Variants in ARHGAP10 observed in about 807,000 individuals in gnomAD.
The protein encoded by ARHGAP10 is Rho GTPase activating protein 10.
A neutral mutation model predicts 108.6 loss-of-function variants in ARHGAP10; 87 were observed. That is an observed-to-expected ratio of 0.80 (90% CI 0.67 to 0.96). The LOEUF (loss-of-function observed/expected upper bound fraction) is 0.96, where lower values mean the gene tolerates loss of function less well. ARHGAP10 is among the 40% of genes least tolerant of loss of function. The pLI, the probability that ARHGAP10 is intolerant of heterozygous loss-of-function variation, is 0.00. For missense variants in ARHGAP10, 939 were observed against 954.5 expected, an observed-to-expected ratio of 0.98 and a Z score of 0.21; for synonymous variants, 347 against 341.1, an observed-to-expected ratio of 1.02 and a Z score of -0.19.
chr4:147,791,256 C>T (rs1307008799), intron 1 of ARHGAP10, among the ~76,000 whole-genome samples: 5 of 151,562 alleles, frequency 3.3e-5, no homozygotes, highest in African/African-American at 7.3e-5. Flanking sequence ...GGATTACAAG[C>T]GCCTGCCACC....
Position 147,965,086 on chromosome 4 carries a change from A to G in ARHGAP10, c.1513A>G (p.Lys505Glu). Residue 505 changes from lysine (K) to glutamate (E), a missense_variant, in exon 17 of 23, where the codon AAG (lysine) becomes GAG (glutamate). Lys to Glu is a moderately conservative substitution (Grantham distance 56, BLOSUM62 1). Transcript: ENST00000336498. ...IHFLVHKLPE[K>E]NKEMLDILVK... ...TTTCTTGGTACACAAACTGCCAGAGAAGAATAAAGAGATGTTGGATATTTT... is the reference window on the plus strand; with the variant it reads ...TTTCTTGGTACACAAACTGCCAGAGGAGAATAAAGAGATGTTGGATATTTT... 6.2e-7 allele frequency: 1 copy of G among 1,607,760 alleles called. No individual in the cohort carries two copies. The highest frequency in any genetic ancestry group is 8.5e-7 in the Non-Finnish European group (1 of 1,176,812).
rs374371724 is a variant in ARHGAP10 at position 147,935,529 on chromosome 4, A to G, written c.1229-4296A>G. 2.7e-4 allele frequency among the ~76,000 whole-genome samples: 41 copies of G among 152,312 alleles called. No individual in the cohort carries two copies. In the South Asian group the frequency reaches 7.3e-3, roughly 27 times the overall value. On this transcript the variant is annotated intron_variant, in intron 13 of 22. Coordinates refer to ENST00000336498, the MANE Select transcript of ARHGAP10 (RefSeq NM_024605.4). ...GACAGGGAAGAAGTCAAAGATTTCAAATTTCTAATACTTGTTGATCAGAAA... is the reference window on the plus strand; with the variant it reads ...GACAGGGAAGAAGTCAAAGATTTCAGATTTCTAATACTTGTTGATCAGAAA...
At chr4:148,026,239 C>T (rs745825878) in intron 19 of ARHGAP10, among the ~76,000 whole-genome samples, 47 of 152,044 alleles carry the variant, frequency 3.1e-4, no homozygotes, top group Admixed American at 1.8e-3. Context: ...GGAACACACT[C>T]GGAATTGGTT....
At chr4:148,032,591 T>C (rs2149670852) in intron 19 of ARHGAP10, among the ~76,000 whole-genome samples, 1 of 152,178 alleles carries the variant, frequency 6.6e-6, no homozygotes, top group South Asian at 2.1e-4. Context: ...ATTAGGGTGC[T>C]CTAAAGAGAT....
chr4:147,812,194 A>AT (rs1233039569), intron 1 of ARHGAP10, among the ~76,000 whole-genome samples: 4 of 152,256 alleles, frequency 2.6e-5, no homozygotes, highest in East Asian at 1.9e-4. Context: ...GTAAAAAGCT[A>AT]TTTTTTAGCA....
At chr4:147,951,366 G>A (rs1430148734) in intron 15 of ARHGAP10, among the ~76,000 whole-genome samples, 1 of 147,964 alleles carries the variant, frequency 6.8e-6, no homozygotes, top group Non-Finnish European at 1.5e-5. Flanking sequence ...CTTCTGATTG[G>A]CCCTTCTTTC....
chr4:148,063,333 T>C lies in ARHGAP10; in HGVS notation c.2180+33T>C, dbSNP rs148557499. The C allele has an allele frequency of 2.9e-4, 472 of 1,608,640 alleles. 1 individual carries two copies. The African/African-American group carries it at 5.1e-3, about 17-fold the overall frequency. On this transcript the variant is annotated intron_variant, in intron 21 of 22. Transcript: ENST00000336498. The stretch of plus-strand genomic sequence containing the variant: ...GTTTGGAGTGGAATGTGGAATATGG[T>C]GGCAGCACACACAGGGGGCTTGATG...
intron 11 of ARHGAP10, among the ~76,000 whole-genome samples, chr4:147,907,749 A>G (rs1326643382): frequency 2.6e-5 from 4 of 152,320 alleles, no homozygotes; most frequent in African/African-American, 9.6e-5. Flanking sequence ...TGGGGAATGT[A>G]TCACTCTTAC....
At chr4:147,864,716 G>T in intron 5 of ARHGAP10, 130 bp from the exon 6 acceptor site, 2 of 674,108 alleles carry the variant, frequency 3.0e-6, no homozygotes, top group Non-Finnish European at 5.0e-6. Flanking sequence ...TACCTGTGTT[G>T]CAATACTTTA....
chr4:147,926,740 G>A (rs1737475810), intron 13 of ARHGAP10, among the ~76,000 whole-genome samples: 1 of 152,106 alleles, frequency 6.6e-6, no homozygotes, highest in Admixed American at 6.5e-5. Context: ...CAGAGGGATA[G>A]GAGGCGAAGG....
chr4:148,066,213 G>A (rs1054978596), intron 22 of ARHGAP10, among the ~76,000 whole-genome samples: 12 of 152,132 alleles, frequency 7.9e-5, no homozygotes, highest in Admixed American at 7.9e-4. Flanking sequence ...GCGGAAGGAG[G>A]TGTCTCATCC....
At chr4:147,842,736 A>C (rs1259115447) in intron 3 of ARHGAP10, among the ~76,000 whole-genome samples, 1 of 152,184 alleles carries the variant, frequency 6.6e-6, no homozygotes, top group Non-Finnish European at 1.5e-5. Flanking sequence ...TGCTCCCCAG[A>C]AGCTCTGCGC....
At chr4:148,046,786 T>C in intron 19 of ARHGAP10, 106 bp from the exon 20 acceptor site, 2 of 1,173,440 alleles carry the variant, frequency 1.7e-6, no homozygotes, top group Non-Finnish European at 2.4e-6. Context: ...ACTGTAAATG[T>C]AATTTTATCA....
chr4:147,902,145 A>G (rs1423717594), intron 10 of ARHGAP10, among the ~76,000 whole-genome samples: 1 of 152,200 alleles, frequency 6.6e-6, no homozygotes, highest in Admixed American at 6.5e-5. Flanking sequence ...GACATGTAGA[A>G]GCACTTCTGG....
chr4:147,741,792 GCACA>G (rs112095776), intron 1 of ARHGAP10, among the ~76,000 whole-genome samples: 2,406 of 57,616 alleles, frequency 0.042, 68 homozygotes, highest in East Asian at 0.3. Flanking sequence ...ACACACACAC[GCACA>G]CACACACACA....
intron 1 of ARHGAP10, chr4:147,782,552 C>A (rs1349010024): frequency 6.6e-6 from 1 of 152,040 alleles, no homozygotes; most frequent in Non-Finnish European, 1.5e-5. Context: ...GTCAAATGAC[C>A]TGAAGGTGTT....
At chr4:147,795,183 A>G (rs975203911) in intron 1 of ARHGAP10, among the ~76,000 whole-genome samples, 1 of 152,176 alleles carries the variant, frequency 6.6e-6, no homozygotes, top group African/African-American at 2.4e-5. Flanking sequence ...CCTGGCCTTA[A>G]GTAATCCTCT....
At chr4:147,845,720 C>A (rs551565192) in intron 3 of ARHGAP10, among the ~76,000 whole-genome samples, 2 of 152,126 alleles carry the variant, frequency 1.3e-5, no homozygotes, top group Non-Finnish European at 2.9e-5. Flanking sequence ...TTGGGTAGAT[C>A]CAGATGTGGG....
At position 147,957,351 on chromosome 4, in the gene ARHGAP10, T is replaced by C. The variant is rs532889213; in HGVS notation, c.1450+1977T>C. ...CCCTTCTCTGCACTCATTGCCTCTT[T>C]TAGAGAGTGTGGGAACAGATCTCCT... On this transcript the variant is annotated intron_variant, in intron 16 of 22. Coordinates refer to ENST00000336498, the MANE Select transcript of ARHGAP10 (RefSeq NM_024605.4). 3.3e-5 allele frequency among the ~76,000 whole-genome samples: 5 copies of C among 152,298 alleles called. No individual in the cohort carries two copies. The South Asian group carries it at 1.0e-3, about 32-fold the overall frequency.
Sources: gnomAD v4.1 joint callset for allele counts (sites outside exome capture counted in the v4.1 genomes callset) on GRCh38, gnomAD v4.1.1 for gene constraint, MANE v1.5 for transcripts, NCBI Gene and HGNC (gene_info 2026-07-23, HGNC 2026-07-21) for gene names.